FGF7: variants seen among roughly 807,000 people sequenced by gnomAD.
The protein encoded by FGF7 is FGF-7.
In FGF7, 6 loss-of-function variants were observed where a neutral mutation model predicts 20.5. That is an observed-to-expected ratio of 0.29 (90% CI 0.16 to 0.58). The LOEUF (loss-of-function observed/expected upper bound fraction) is 0.58, where lower values mean the gene tolerates loss of function less well. Among genes scored for constraint, FGF7 ranks in the 20% least tolerant of loss-of-function variants. FGF7 has a pLI of 0.90. For synonymous variants in FGF7, 64 were observed against 74.7 expected (o/e 0.86, Z 0.74); for missense variants, 144 against 228.8 (o/e 0.63, Z 2.39).
intron 2 of FGF7, among the ~76,000 whole-genome samples, chr15:49,437,140 A>G (rs1198438617): frequency 6.6e-6 from 1 of 151,762 alleles, no homozygotes; most frequent in East Asian, 1.9e-4. Flanking sequence ...TATAGAATGC[A>G]TAATAATAAT....
chr15:49,429,088 G>C (rs1002170103), intron 2 of FGF7, among the ~76,000 whole-genome samples: 1 of 151,966 alleles, frequency 6.6e-6, no homozygotes, highest in African/African-American at 2.4e-5. Context: ...ATTCTAAACA[G>C]TTCTTAGCAA....
At chr15:49,427,264 T>C (rs1236137401) in intron 2 of FGF7, among the ~76,000 whole-genome samples, 1 of 152,050 alleles carries the variant, frequency 6.6e-6, no homozygotes, top group Non-Finnish European at 1.5e-5. Flanking sequence ...CTTGAAATTA[T>C]GACATTTGAA....
At chr15:49,471,195 C>A (rs2054708791) in intron 2 of FGF7, among the ~76,000 whole-genome samples, 1 of 151,980 alleles carries the variant, frequency 6.6e-6, no homozygotes, top group South Asian at 2.1e-4. Flanking sequence ...AAGAATATGG[C>A]AAATGTGAGG....
chr15:49,424,285 G>A lies in FGF7; in HGVS notation c.-13G>A. On this transcript the variant is annotated 5_prime_UTR_variant, in exon 2 of 4. Coordinates refer to ENST00000267843, the MANE Select transcript of FGF7 (RefSeq NM_002009.4). The stretch of plus-strand genomic sequence containing the variant: ...ATTATGTTATTCATGAACACCCGGA[G>A]CACTACACTATAATGCACAAATGGA... The A allele has an allele frequency of 6.2e-7, 1 of 1,606,636 alleles. No homozygotes were observed. Among genetic ancestry groups the A allele is most frequent in the Non-Finnish European group, 8.5e-7 (1 of 1,174,472 alleles).
chr15:49,427,255 T>C (rs1472740374), intron 2 of FGF7, among the ~76,000 whole-genome samples: 1 of 152,048 alleles, frequency 6.6e-6, no homozygotes, highest in East Asian at 1.9e-4. Context: ...GAATGGAAAC[T>C]TGAAATTATG....
At chr15:49,428,673 C>T (rs1481627864) in intron 2 of FGF7, among the ~76,000 whole-genome samples, 1 of 151,980 alleles carries the variant, frequency 6.6e-6, no homozygotes, top group Non-Finnish European at 1.5e-5. Flanking sequence ...TCCAATCCCT[C>T]AGGATAATTT....
rs56097665 is a variant in FGF7, at chr15:49,479,599, G to GTTTTTT, written c.287-3528_287-3523dup. Among the ~76,000 whole-genome samples, 23 of 63,324 alleles carry GTTTTTT rather than the reference G, an allele frequency of 3.6e-4. 5 individuals carry two copies. Among genetic ancestry groups the GTTTTTT allele is most frequent in the African/African-American group, 1.2e-3 (19 of 15,942 alleles). The allele number at this position is 63,324 out of a possible 152,430, so 41.5% of individuals were successfully genotyped here. A position where few individuals can be genotyped will look rare whatever the true frequency, so the allele number is the denominator to read the frequency against. On this transcript the variant is annotated intron_variant, in intron 2 of 3. Transcript: ENST00000267843. Reference sequence around the variant, plus strand: ...GTAGGATTTCATAGTTAATACCTCTGTTTTTTTTTTTTTTTTTTTTTTTTT... The same window carrying GTTTTTT: ...GTAGGATTTCATAGTTAATACCTCTGTTTTTTTTTTTTTTTTTTTTTTTTTTTTTTT...
At chr15:49,454,082 G>A (rs1246777824) in intron 2 of FGF7, among the ~76,000 whole-genome samples, 3 of 152,158 alleles carry the variant, frequency 2.0e-5, no homozygotes, top group African/African-American at 2.4e-5. Context: ...TCAGACAGGC[G>A]TAGGTTTGAA....
At chr15:49,433,144 C>T (rs1319606974) in intron 2 of FGF7, among the ~76,000 whole-genome samples, 1 of 151,316 alleles carries the variant, frequency 6.6e-6, no homozygotes, top group African/African-American at 2.4e-5. Flanking sequence ...TTAATCTCCA[C>T]ATTCTTCAAA....
chr15:49,444,265 C>T (rs1391052425), intron 2 of FGF7, among the ~76,000 whole-genome samples: 3 of 151,660 alleles, frequency 2.0e-5, no homozygotes, highest in Non-Finnish European at 4.4e-5. Flanking sequence ...TGGAAGGCCA[C>T]AATCCAGCTA....
intron 2 of FGF7, among the ~76,000 whole-genome samples, chr15:49,478,037 C>T (rs1277232332): frequency 1.3e-5 from 2 of 152,088 alleles, no homozygotes; most frequent in African/African-American, 2.4e-5. Context: ...AGGTACTGAG[C>T]GTAGTACCTA....
chr15:49,448,066 TAACA>T (rs2052386835), intron 2 of FGF7, among the ~76,000 whole-genome samples: 1 of 151,708 alleles, frequency 6.6e-6, no homozygotes, highest in African/African-American at 2.4e-5. Context: ...AATCAGTAAA[TAACA>T]AACTTATCAG....
At chr15:49,468,004 A>G (rs1410563130) in intron 2 of FGF7, among the ~76,000 whole-genome samples, 1 of 152,184 alleles carries the variant, frequency 6.6e-6, no homozygotes, top group Non-Finnish European at 1.5e-5. Flanking sequence ...ATTCTGATAT[A>G]GTTCTAACGC....
At chr15:49,467,664 A>G (rs2054385106) in intron 2 of FGF7, among the ~76,000 whole-genome samples, 1 of 152,178 alleles carries the variant, frequency 6.6e-6, no homozygotes. Flanking sequence ...AAAAAAACAC[A>G]GTGTTGTATT....
chr15:49,453,578 T>C (rs1449439480), intron 2 of FGF7, among the ~76,000 whole-genome samples: 1 of 152,186 alleles, frequency 6.6e-6, no homozygotes, highest in African/African-American at 2.4e-5. Flanking sequence ...GTGTAGACCA[T>C]GTAACCGTCA....
At chr15:49,461,128 ACTT>A (rs1193190573) in intron 2 of FGF7, among the ~76,000 whole-genome samples, 5 of 152,082 alleles carry the variant, frequency 3.3e-5, no homozygotes, top group South Asian at 2.1e-4. Context: ...ATCCTGATGA[ACTT>A]CTTCTTCCTA....
rs148534447 is a variant in FGF7, at chr15:49,454,377, T to A, written c.287-28774T>A. 1.1e-3 allele frequency among the ~76,000 whole-genome samples: 167 copies of A among 152,318 alleles called. 1 individual carries two copies. Among genetic ancestry groups the A allele is most frequent in the Middle Eastern group, 6.8e-3 (2 of 294 alleles). On this transcript the variant is annotated intron_variant, in intron 2 of 3. Transcript: ENST00000267843. ...TATAAAGTAAAGGAAAAAACACTAA[T>A]ATCATCCTAGGTAAAAATCCTGGTA...
At chr15:49,429,701 A>T (rs577716260) in intron 2 of FGF7, among the ~76,000 whole-genome samples, 4 of 151,988 alleles carry the variant, frequency 2.6e-5, no homozygotes, top group African/African-American at 7.2e-5. Flanking sequence ...CCCACAAAAA[A>T]TTTTTCATTA....
At chr15:49,451,588 C>T (rs939179382) in intron 2 of FGF7, among the ~76,000 whole-genome samples, 11 of 151,834 alleles carry the variant, frequency 7.2e-5, no homozygotes, top group African/African-American at 2.7e-4. Flanking sequence ...CTCTTCAATT[C>T]ACCTTTAAAT....
Sources: allele counts gnomAD v4.1 joint callset (sites outside exome capture counted in the v4.1 genomes callset), GRCh38; gene constraint gnomAD v4.1.1; transcripts MANE v1.5; gene names NCBI Gene and HGNC (gene_info 2026-07-23, HGNC 2026-07-21).